Variants in ZNF740 observed in about 807,000 individuals in gnomAD.
The protein encoded by ZNF740 is zinc finger protein 740, also known as oriLyt TD-element-binding protein 7.
In ZNF740, 14 loss-of-function variants were observed where a neutral mutation model predicts 24.8. That is an observed-to-expected ratio of 0.56 (90% CI 0.37 to 0.88). The LOEUF (loss-of-function observed/expected upper bound fraction) is 0.88, where lower values mean the gene tolerates loss of function less well. Ranked by LOEUF, ZNF740 falls within the 40% of genes least tolerant of loss-of-function variation. ZNF740 has a pLI of 0.00. For synonymous variants in ZNF740, 69 were observed against 84.0 expected (o/e 0.82, Z 0.98); for missense variants, 201 against 247.9 (o/e 0.81, Z 1.27).
rs149301495 is a variant in ZNF740 at position 53,185,819 on chromosome 12, C to T, written c.250-135C>T. ...AAGGGTCTCTTACCTCCATGGAGTA[C>T]AGGAGATGGCAGCACCTTTAGACAG... On this transcript the variant is annotated intron_variant, in intron 4 of 6. Coordinates refer to ENST00000416904, the MANE Select transcript of ZNF740 (RefSeq NM_001004304.4). 12 of 1,212,008 alleles carry T rather than the reference C, an allele frequency of 9.9e-6. 1 individual carries two copies. Among genetic ancestry groups the T allele is most frequent in the South Asian group, 1.6e-5 (1 of 63,176 alleles). The allele number at this position is 1,212,008 out of a possible 1,614,324, so 75.1% of individuals were successfully genotyped here.
chr12:53,184,114 G>GGGGTGTGTGC (rs1555175868), intron 2 of ZNF740, among the ~76,000 whole-genome samples: 1 of 123,508 alleles, frequency 8.1e-6, no homozygotes, highest in African/African-American at 3.5e-5. Flanking sequence ...GAAGCTAAGG[G>GGGGTGTGTGC]GTGTGTGTGT....
chr12:53,193,413 C>T lies in ZNF740; in HGVS notation c.*5823C>T, dbSNP rs781043314. ...AAGTAGGTCAGAGGGTTTGATCACC[C>T]CTGACTTGTCTCTCCCAGGAACCTC... On this transcript the variant is annotated 3_prime_UTR_variant, in exon 7 of 7. Coordinates refer to ENST00000416904, the MANE Select transcript of ZNF740 (RefSeq NM_001004304.4). 1 of 1,325,804 alleles carries T rather than the reference C, an allele frequency of 7.5e-7. No individual in the cohort carries two copies. The highest frequency in any genetic ancestry group is 2.7e-5 in the Admixed American group (1 of 37,140). 82.1% of individuals were successfully genotyped at this position (1,325,804 alleles called of 1,614,324 possible).
At chr12:53,186,752 G>A (rs1013643577) in intron 6 of ZNF740, 17 of 390,522 alleles carry the variant, frequency 4.4e-5, no homozygotes, top group African/African-American at 3.4e-4. Context: ...CACTGTGAGA[G>A]CATACTTTAC....
chr12:53,180,739 C>A lies in ZNF740; in HGVS notation c.-406C>A. On this transcript the variant is annotated 5_prime_UTR_variant, in exon 1 of 7. Transcript: ENST00000416904. Reference sequence around the variant, plus strand: ...TGGTGTTTGTAAACTTGCCTCGGTCCCGGTGGGGGCAGCCGCGGCGGTGGG... The same window carrying A: ...TGGTGTTTGTAAACTTGCCTCGGTCACGGTGGGGGCAGCCGCGGCGGTGGG... The A allele has an allele frequency of 7.9e-7, 1 of 1,263,938 alleles. No individual in the cohort carries two copies. 78.3% of individuals were successfully genotyped at this position (1,263,938 alleles called of 1,614,324 possible).
intron 2 of ZNF740, among the ~76,000 whole-genome samples, chr12:53,184,152 C>CGTGTGTGTGT (rs1941772209): frequency 2.4e-5 from 1 of 42,288 alleles, no homozygotes. Context: ...TGTGTGTGTG[C>CGTGTGTGTGT]GCGCGCGCGC....
Position 53,192,651 on chromosome 12 carries a change from C to G in ZNF740, c.*5061C>G. ...GATGGGAGTAGCTCAACAAGCCCCACTGTGCCCCTGCTCCCAAGATGCAAG... is the reference window on the plus strand; with the variant it reads ...GATGGGAGTAGCTCAACAAGCCCCAGTGTGCCCCTGCTCCCAAGATGCAAG... On this transcript the variant is annotated 3_prime_UTR_variant, in exon 7 of 7. Coordinates refer to ENST00000416904, the MANE Select transcript of ZNF740 (RefSeq NM_001004304.4). 6.2e-7 allele frequency: 1 copy of G among 1,603,800 alleles called. No individual in the cohort carries two copies. Among genetic ancestry groups the G allele is most frequent in the Non-Finnish European group, 8.5e-7 (1 of 1,172,696 alleles).
In ZNF740 at chr12:53,192,375, C is replaced by A. The variant is rs759939513; in HGVS notation, c.*4785C>A. 2.5e-6 allele frequency: 4 copies of A among 1,614,148 alleles called. No individual in the cohort carries two copies. In the Admixed American group the frequency reaches 6.7e-5, roughly 27 times the overall value. ...AGCACGACCGTGCCTCTGGCGTCAT[C>A]CTCCACCAAGAAGAAGAACAGCTGG... On this transcript the variant is annotated 3_prime_UTR_variant, in exon 7 of 7. Transcript: ENST00000416904.
rs1451391195 is a variant in ZNF740, at chr12:53,189,223, A to G, written c.*1633A>G. The stretch of plus-strand genomic sequence containing the variant: ...GTGAAATAAACCTTTTCTTTCTGCT[A>G]AAGAAAGAATCCTTATGGGAAGTTT... On this transcript the variant is annotated 3_prime_UTR_variant, in exon 7 of 7. Transcript: ENST00000416904. The G allele has an allele frequency of 6.6e-6, 1 of 152,090 alleles. No homozygotes were observed. Among genetic ancestry groups the G allele is most frequent in the Admixed American group, 6.5e-5 (1 of 15,272 alleles). 9.4% of individuals were successfully genotyped at this position (152,090 alleles called of 1,614,324 possible).
chr12:53,192,828 G>A lies in ZNF740; in HGVS notation c.*5238G>A. Reference sequence around the variant, plus strand: ...GCCCTCCCTCGGGACTGATGCAACTGTCCATGTCCCCACTGCATTCGCATG... The same window carrying A: ...GCCCTCCCTCGGGACTGATGCAACTATCCATGTCCCCACTGCATTCGCATG... On this transcript the variant is annotated 3_prime_UTR_variant, in exon 7 of 7. Transcript: ENST00000416904. 2 of 1,614,218 alleles carry A rather than the reference G, an allele frequency of 1.2e-6. No individual in the cohort carries two copies. The highest frequency in any genetic ancestry group is 8.5e-7 in the Non-Finnish European group (1 of 1,180,046).
chr12:53,180,909 G>C (rs1188745191), intron 1 of ZNF740, 72 bp downstream of exon 1: 14 of 1,131,414 alleles, frequency 1.2e-5, no homozygotes, highest in Non-Finnish European at 1.5e-5. Flanking sequence ...GCAAGCCGTG[G>C]GGTGCCGCGC....
intron 2 of ZNF740, among the ~76,000 whole-genome samples, chr12:53,182,725 C>T (rs574381429): frequency 6.6e-5 from 10 of 152,108 alleles, no homozygotes; most frequent in African/African-American, 2.4e-4. Flanking sequence ...TTGATAGTTA[C>T]GGAGTAAGGG....
intron 6 of ZNF740, 27 bp downstream of exon 6, chr12:53,186,536 C>T: frequency 1.3e-6 from 2 of 1,517,736 alleles, no homozygotes; most frequent in Non-Finnish European, 1.8e-6. Context: ...CTACAATACC[C>T]CACACACACT....
In ZNF740 at chr12:53,194,137, G is replaced by T; in HGVS notation, c.*6547G>T. ...ACCTGCCACCCATCTTTTCCTGCCT[G>T]CTTAATTTCCCACTCCCACCTCCCC... On this transcript the variant is annotated 3_prime_UTR_variant, in exon 7 of 7. Transcript: ENST00000416904. 6.2e-7 allele frequency: 1 copy of T among 1,606,086 alleles called. No individual in the cohort carries two copies. Among genetic ancestry groups the T allele is most frequent in the Non-Finnish European group, 8.5e-7 (1 of 1,174,276 alleles).
chr12:53,187,585 C>G lies in ZNF740; in HGVS notation c.577C>G (p.Leu193Val). The change falls in exon 7 of 7, where the codon CTA becomes GTA. Residue 193 changes from leucine (L) to valine (V), a missense_variant. Around this residue, in one of 3 missense-constraint regions of ZNF740, gnomAD observed 24 missense variants for 17.8 expected, o/e 1.35. Coordinates refer to ENST00000416904, the MANE Select transcript of ZNF740 (RefSeq NM_001004304.4). ...CAAGACTTCCGACGGGCAGTTTTCT[C>G]TATAGGCGCAAGGGGCCCCGGGTGG... Reference protein sequence around the residue: ...QSKTSDGQFSL With the variant: ...QSKTSDGQFSV 6.2e-7 allele frequency: 1 copy of G among 1,613,900 alleles called. No homozygotes were observed. The highest frequency in any genetic ancestry group is 8.5e-7 in the Non-Finnish European group (1 of 1,179,818).
In ZNF740 at chr12:53,193,439, T is replaced by A; in HGVS notation, c.*5849T>A. 1 of 1,087,842 alleles carries A rather than the reference T, an allele frequency of 9.2e-7. No individual in the cohort carries two copies. The highest frequency in any genetic ancestry group is 1.3e-6 in the Non-Finnish European group (1 of 772,232). 67.4% of individuals were successfully genotyped at this position (1,087,842 alleles called of 1,614,324 possible). A position where few individuals can be genotyped will look rare whatever the true frequency, so the allele number is the denominator to read the frequency against. On this transcript the variant is annotated 3_prime_UTR_variant, in exon 7 of 7. Coordinates refer to ENST00000416904, the MANE Select transcript of ZNF740 (RefSeq NM_001004304.4). ...CTGACTTGTCTCTCCCAGGAACCTC[T>A]AAACCCAAGTTCTCAAAAGAGTTGG...
chr12:53,183,995 G>C (rs1029621075), intron 2 of ZNF740, among the ~76,000 whole-genome samples: 1 of 151,332 alleles, frequency 6.6e-6, no homozygotes, highest in African/African-American at 2.4e-5. Context: ...CTGCACTCCA[G>C]CCTGGGCGAC....
At chr12:53,183,461 G>T (rs1941742753) in intron 2 of ZNF740, among the ~76,000 whole-genome samples, 1 of 152,186 alleles carries the variant, frequency 6.6e-6, no homozygotes, top group African/African-American at 2.4e-5. Context: ...TCATAAATTT[G>T]TGAGTTTGCT....
intron 2 of ZNF740, among the ~76,000 whole-genome samples, chr12:53,183,014 T>G (rs991652432): frequency 1.2e-4 from 19 of 152,202 alleles, no homozygotes; most frequent in Admixed American, 7.2e-4. Flanking sequence ...GGAACCTCCC[T>G]ACCAGTCTCA....
intron 2 of ZNF740, among the ~76,000 whole-genome samples, chr12:53,184,142 TGTGTGTGTGCGCGC>T (rs1418477987): frequency 2.1e-4 from 22 of 104,546 alleles, no homozygotes; most frequent in African/African-American, 9.1e-4. Context: ...TGTGTGTGTG[TGTGTGTGTGCGCGC>T]GCGCGCTCTG....
Sources: gnomAD v4.1 joint callset for allele counts (sites outside exome capture counted in the v4.1 genomes callset) on GRCh38, gnomAD v4.1.1 for gene constraint, gnomAD v4.1.1 regional missense constraint, MANE v1.5 for transcripts, NCBI Gene and HGNC (gene_info 2026-07-23, HGNC 2026-07-21) for gene names.